Variants in DNAJC18 observed in about 807,000 individuals in gnomAD.
The protein encoded by DNAJC18 is dnaJ homolog subfamily C member 18.
DNAJC18 carries 40 observed loss-of-function variants against 48.6 expected under a neutral mutation model. That is an observed-to-expected ratio of 0.82 (90% CI 0.64 to 1.07). The LOEUF is 1.07. Among genes scored for constraint, DNAJC18 ranks in the 50% least tolerant of loss-of-function variants. DNAJC18 has a pLI of 0.00. For missense variants in DNAJC18, 340 were observed against 427.7 expected (o/e 0.79, Z 1.81); for synonymous variants, 135 against 152.2 (o/e 0.89, Z 0.83).
chr5:139,437,222 A>T, intron 2 of DNAJC18, 150 bp downstream of exon 2: 1 of 999,436 alleles, frequency 1.0e-6, no homozygotes, highest in Non-Finnish European at 1.4e-6. Context: ...TTCCACTTCT[A>T]TTCAGTCTTC....
intron 7 of DNAJC18, among the ~76,000 whole-genome samples, chr5:139,417,848 A>G (rs1404811260): frequency 6.6e-6 from 1 of 152,148 alleles, no homozygotes; most frequent in African/African-American, 2.4e-5. Context: ...TGCTGGGATT[A>G]CAGGCATGAG....
intron 6 of DNAJC18, among the ~76,000 whole-genome samples, chr5:139,422,150 T>G (rs1223008540): frequency 6.6e-6 from 1 of 152,280 alleles, no homozygotes; most frequent in East Asian, 1.9e-4. Context: ...CTGTTGATGC[T>G]GACGATGGCT....
intron 5 of DNAJC18, among the ~76,000 whole-genome samples, chr5:139,424,086 G>A (rs1404016950): frequency 6.6e-6 from 1 of 152,184 alleles, no homozygotes; most frequent in African/African-American, 2.4e-5. Context: ...GGAATTTGGG[G>A]TTGAAACTCA....
In DNAJC18 at chr5:139,412,023, G is replaced by A. The variant is rs1003098560; in HGVS notation, c.*2125C>T. On this transcript the variant is annotated 3_prime_UTR_variant, in exon 8 of 8. Coordinates refer to ENST00000302060, the MANE Select transcript of DNAJC18 (RefSeq NM_152686.4). Reference sequence around the variant, plus strand: ...ATCAAGAAGGGCCCCCTAAAACCAGGAGGACAGATCTAGTTGGGCAGCAAA... The same window carrying A: ...ATCAAGAAGGGCCCCCTAAAACCAGAAGGACAGATCTAGTTGGGCAGCAAA... 5.9e-5 allele frequency: 9 copies of A among 152,250 alleles called. No individual in the cohort carries two copies. The highest frequency in any genetic ancestry group is 1.7e-4 in the African/African-American group (7 of 41,540). 9.4% of individuals were successfully genotyped at this position (152,250 alleles called of 1,614,324 possible).
intron 5 of DNAJC18, among the ~76,000 whole-genome samples, chr5:139,423,882 G>GTCATT (rs1202922912): frequency 6.6e-6 from 1 of 152,090 alleles, no homozygotes; most frequent in Non-Finnish European, 1.5e-5. Flanking sequence ...CAACAACCTG[G>GTCATT]ATTGACACCC....
rs145058439 is a variant in DNAJC18 at position 139,422,574 on chromosome 5, C to T, written c.779+134G>A. 7.2e-6 allele frequency: 5 copies of T among 695,220 alleles called. No homozygotes were observed. In the African/African-American group the frequency reaches 9.4e-5, roughly 13 times the overall value. The allele number at this position is 695,220 out of a possible 1,614,324, so 43.1% of individuals were successfully genotyped here. A position where few individuals can be genotyped will look rare whatever the true frequency, so the allele number is the denominator to read the frequency against. On this transcript the variant is annotated intron_variant, in intron 6 of 7. Coordinates refer to ENST00000302060, the MANE Select transcript of DNAJC18 (RefSeq NM_152686.4). ...GAGTCTCAGCACCATGACTACCCAG[C>T]TGTTCCTTTAAACATCAAATCGGTG...
At chr5:139,437,876 G>C (rs552950427) in intron 1 of DNAJC18, among the ~76,000 whole-genome samples, 16 of 152,298 alleles carry the variant, frequency 1.1e-4, no homozygotes, top group African/African-American at 3.8e-4. Context: ...CAAGGAACTT[G>C]GCTAGAAGAT....
Position 139,413,102 on chromosome 5 carries a change from T to C in DNAJC18, c.*1046A>G, listed in dbSNP as rs1001741265. 4 of 393,894 alleles carry C rather than the reference T, an allele frequency of 1.0e-5. No homozygotes were observed. The highest frequency in any genetic ancestry group is 8.2e-5 in the African/African-American group (4 of 48,552). The allele number at this position is 393,894 out of a possible 1,614,324, so 24.4% of individuals were successfully genotyped here. A position where few individuals can be genotyped will look rare whatever the true frequency, so the allele number is the denominator to read the frequency against. On this transcript the variant is annotated 3_prime_UTR_variant, in exon 8 of 8. Coordinates refer to ENST00000302060, the MANE Select transcript of DNAJC18 (RefSeq NM_152686.4). ...GGAGGTTTAAGTAAGAAAATATGTG[T>C]GAGAGCCCCTGCTTTTATAGTAGGC...
Position 139,413,984 on chromosome 5 carries a change from C to T in DNAJC18, c.*164G>A, listed in dbSNP as rs1759033136. On this transcript the variant is annotated 3_prime_UTR_variant, in exon 8 of 8. Transcript: ENST00000302060. ...CTCCCCAGGAAGGATCCTGTGAAGA[C>T]ACATCTGGCTCTCGTGCCCATGCTC... 3 of 981,402 alleles carry T rather than the reference C, an allele frequency of 3.1e-6. No homozygotes were observed. The highest frequency in any genetic ancestry group is 4.4e-6 in the Non-Finnish European group (3 of 686,174). The allele number at this position is 981,402 out of a possible 1,614,324, so 60.8% of individuals were successfully genotyped here.
Position 139,431,758 on chromosome 5 carries a change from C to T in DNAJC18, c.228-3075G>A, listed in dbSNP as rs553119687. 3.9e-5 allele frequency among the ~76,000 whole-genome samples: 6 copies of T among 152,244 alleles called. No individual in the cohort carries two copies. The South Asian group carries it at 1.2e-3, about 32-fold the overall frequency. ...TCAATAATCTTAATTTTCTTCTGAA[C>T]CTTAAGAGGAATTGCCATATTGTTT... On this transcript the variant is annotated intron_variant, in intron 2 of 7. Transcript: ENST00000302060.
intron 2 of DNAJC18, among the ~76,000 whole-genome samples, chr5:139,431,406 C>T (rs966861915): frequency 6.6e-6 from 1 of 152,158 alleles, no homozygotes; most frequent in Non-Finnish European, 1.5e-5. Context: ...CTACTTTCCC[C>T]TCTATAGATT....
intron 3 of DNAJC18, 21 bp from the exon 4 acceptor site, chr5:139,426,378 C>T: frequency 6.2e-7 from 1 of 1,611,666 alleles, no homozygotes; most frequent in South Asian, 1.1e-5. Context: ...CAAGAACCAG[C>T]ACATGAGGAC....
At chr5:139,423,103 A>G (rs1332786288) in intron 5 of DNAJC18, among the ~76,000 whole-genome samples, 1 of 152,144 alleles carries the variant, frequency 6.6e-6, no homozygotes, top group Admixed American at 6.6e-5. Context: ...GAGTGCTGGG[A>G]TTACAGGTGT....
At chr5:139,436,027 A>T (rs902169790) in intron 2 of DNAJC18, among the ~76,000 whole-genome samples, 8 of 150,844 alleles carry the variant, frequency 5.3e-5, no homozygotes, top group African/African-American at 2.0e-4. Flanking sequence ...TCCAGCTAGA[A>T]TTTTTTTGAT....
rs1378810869 is a variant in DNAJC18 at position 139,428,649 on chromosome 5, C to A, written c.262G>T (p.Gly88Ter). 2 of 1,611,802 alleles carry A rather than the reference C, an allele frequency of 1.2e-6. No homozygotes were observed. Among genetic ancestry groups the A allele is most frequent in the Non-Finnish European group, 1.7e-6 (2 of 1,179,364 alleles). Residue 88 changes from glycine to a stop codon, truncating the protein, a stop_gained, in exon 3 of 8, where the codon GGA becomes TGA. Transcript: ENST00000302060. LOFTEE classifies it high-confidence loss of function. ...KKCRNYYEILGVSRDASDEEL... is the reference protein window; with the variant it reads ...KKCRNYYEIL Reference sequence around the variant, plus strand: ...TCGTCACTAGCATCTCGAGAAACTCCCAGAATTTCATAGTAATTTCTGCAT... The same window carrying A: ...TCGTCACTAGCATCTCGAGAAACTCACAGAATTTCATAGTAATTTCTGCAT...
At chr5:139,428,861 T>C (rs1258310292) in intron 2 of DNAJC18, among the ~76,000 whole-genome samples, 178 bp from the exon 3 acceptor site, 2 of 152,106 alleles carry the variant, frequency 1.3e-5, no homozygotes, top group Non-Finnish European at 2.9e-5. Flanking sequence ...CACCCAGAAC[T>C]TAATGCCTTT....
rs1415795963 is a variant in DNAJC18 at position 139,419,330 on chromosome 5, C to T, written c.952+723G>A. 2.0e-5 allele frequency among the ~76,000 whole-genome samples: 3 copies of T among 152,364 alleles called. No individual in the cohort carries two copies. The East Asian group carries it at 5.8e-4, about 29-fold the overall frequency. On this transcript the variant is annotated intron_variant, in intron 7 of 7. Transcript: ENST00000302060. The stretch of plus-strand genomic sequence containing the variant: ...CTGCAGACACTCCTAGTAACACTTG[C>T]TGGAGCTGTAAGCCAGTGGCAGATG...
At chr5:139,426,121 G>C (rs1434604085) in intron 4 of DNAJC18, 51 bp downstream of exon 4, 4 of 1,563,076 alleles carry the variant, frequency 2.6e-6, no homozygotes, top group Non-Finnish European at 3.5e-6. Context: ...AGCTTGCTGA[G>C]AGCCATAAAT....
chr5:139,433,118 T>C (rs1356204610), intron 2 of DNAJC18, among the ~76,000 whole-genome samples: 1 of 152,198 alleles, frequency 6.6e-6, no homozygotes, highest in African/African-American at 2.4e-5. Context: ...GCCTTTCTTA[T>C]AGCAGTCCTG....
Sources: gnomAD v4.1 joint callset for allele counts (sites outside exome capture counted in the v4.1 genomes callset) on GRCh38, gnomAD v4.1.1 for gene constraint, MANE v1.5 for transcripts, NCBI Gene and HGNC (gene_info 2026-07-23, HGNC 2026-07-21) for gene names.